The following KLHL24 variants were observed in gnomAD, a reference collection of about 807,000 sequenced individuals.
The protein encoded by KLHL24 is kelch-like protein 24.
A neutral mutation model predicts 53.4 loss-of-function variants in KLHL24; 29 were observed. That is an observed-to-expected ratio of 0.54 (90% confidence interval 0.40 to 0.74). The LOEUF is 0.74. Ranked by LOEUF, KLHL24 falls within the 30% of genes least tolerant of loss-of-function variation. KLHL24 has a pLI of 0.00. For missense variants in KLHL24, 504 were observed against 744.0 expected (o/e 0.68, Z 3.75); for synonymous variants, 222 against 253.7 (o/e 0.88, Z 1.19).
In KLHL24 at chr3:183,680,523, C is replaced by T. The variant is rs1712569633; in HGVS notation, c.*1237C>T. On this transcript the variant is annotated 3_prime_UTR_variant, in exon 8 of 8. Coordinates refer to ENST00000242810, the MANE Select transcript of KLHL24 (RefSeq NM_017644.3). ...TTTTAAAATTAGTTATCTGAAAAAA[C>T]TTAGCAGTAGTTCCCATCTTTAAGG... 6.6e-6 allele frequency: 1 copy of T among 152,152 alleles called. No individual in the cohort carries two copies. The allele number at this position is 152,152 out of a possible 1,614,324, so 9.4% of individuals were successfully genotyped here.
intron 5 of KLHL24, among the ~76,000 whole-genome samples, chr3:183,665,334 A>C (rs1264872359): frequency 6.6e-6 from 1 of 152,256 alleles, no homozygotes; most frequent in Admixed American, 6.5e-5. Context: ...CATCAAATAC[A>C]GACAGGCCAA....
intron 2 of KLHL24, among the ~76,000 whole-genome samples, chr3:183,649,111 A>G (rs565981066): frequency 3.9e-5 from 6 of 152,218 alleles, no homozygotes; most frequent in Non-Finnish European, 8.8e-5. Context: ...GATGTTTCTT[A>G]TTAGTGAAAG....
chr3:183,637,484 A>C (rs1185891333), intron 1 of KLHL24, among the ~76,000 whole-genome samples: 1 of 152,212 alleles, frequency 6.6e-6, no homozygotes, highest in East Asian at 1.9e-4. Context: ...TGTCGTTTTA[A>C]AATTGTACAT....
Position 183,681,214 on chromosome 3 carries a change from A to G in KLHL24, c.*1928A>G, listed in dbSNP as rs1174538118. The stretch of plus-strand genomic sequence containing the variant: ...TAATTTTAGAGTAAACATCTGCATT[A>G]TACTCTTATAGATAATAGAATTATT... On this transcript the variant is annotated 3_prime_UTR_variant, in exon 8 of 8. Transcript: ENST00000242810. 8.5e-5 allele frequency: 13 copies of G among 152,196 alleles called. No homozygotes were observed. The highest frequency in any genetic ancestry group is 1.9e-4 in the Non-Finnish European group (13 of 67,950). 9.4% of individuals were successfully genotyped at this position (152,196 alleles called of 1,614,324 possible).
At chr3:183,659,436 C>G (rs889689203) in intron 3 of KLHL24, among the ~76,000 whole-genome samples, 3 of 152,186 alleles carry the variant, frequency 2.0e-5, no homozygotes, top group African/African-American at 7.2e-5. Context: ...GCTGCAGAGA[C>G]TGAGGCAGGA....
chr3:183,656,920 A>AC (rs1718988876), intron 3 of KLHL24, among the ~76,000 whole-genome samples: 1 of 115,430 alleles, frequency 8.7e-6, no homozygotes, highest in African/African-American at 5.5e-5. Context: ...AAAAAAAAAG[A>AC]CAAAAAAAAA....
chr3:183,665,654 G>A (rs1187112848), intron 5 of KLHL24, among the ~76,000 whole-genome samples: 1 of 152,076 alleles, frequency 6.6e-6, no homozygotes, highest in African/African-American at 2.4e-5. Context: ...GGAGGGTGAG[G>A]CAGGAGAATC....
At chr3:183,678,732 C>G (rs1712336778) in intron 7 of KLHL24, among the ~76,000 whole-genome samples, 1 of 152,106 alleles carries the variant, frequency 6.6e-6, no homozygotes, top group Admixed American at 6.6e-5. Context: ...CCTGTGTTGT[C>G]ATCATTTGGC....
intron 3 of KLHL24, among the ~76,000 whole-genome samples, chr3:183,661,850 A>G (rs555241667): frequency 6.6e-6 from 1 of 152,316 alleles, no homozygotes; most frequent in East Asian, 1.9e-4. Flanking sequence ...AAGTGATTTA[A>G]CTTCAGTGAC....
chr3:183,662,073 T>C (rs2108838844), intron 3 of KLHL24, among the ~76,000 whole-genome samples: 1 of 152,284 alleles, frequency 6.6e-6, no homozygotes, highest in African/African-American at 2.4e-5. Context: ...TAGTAAATAT[T>C]ACTGATAATA....
In KLHL24 at chr3:183,671,102, A is replaced by T; in HGVS notation, c.1293A>T (p.Ser431=). Residue 431 remains serine (S), a synonymous_variant, in exon 6 of 8, where the codon TCA becomes TCT. Coordinates refer to ENST00000242810, the MANE Select transcript of KLHL24 (RefSeq NM_017644.3). ...GCGTAGAATGTTATGATTCCTTTTC[A>T]AATCGATGGACTGAAGTTGCTCCCC... The part of the protein sequence containing the change: ...LSSVECYDSF[S]NRWTEVAPLK... 1 of 1,614,126 alleles carries T rather than the reference A, an allele frequency of 6.2e-7. No homozygotes were observed. Among genetic ancestry groups the T allele is most frequent in the South Asian group, 1.1e-5 (1 of 91,076 alleles).
chr3:183,656,811 G>A (rs1018839270), intron 3 of KLHL24, among the ~76,000 whole-genome samples: 1 of 151,476 alleles, frequency 6.6e-6, no homozygotes, highest in Non-Finnish European at 1.5e-5. Context: ...TGTAATCCCA[G>A]CTCTCAGGGA....
intron 4 of KLHL24, among the ~76,000 whole-genome samples, chr3:183,664,571 C>T (rs1000605388): frequency 3.3e-5 from 5 of 151,212 alleles, no homozygotes; most frequent in Admixed American, 6.6e-5. Flanking sequence ...TTTGAAAAAT[C>T]GGTCAATTAA....
At position 183,672,367 on chromosome 3, in the gene KLHL24, A is replaced by G. The variant is rs1203479694; in HGVS notation, c.1485A>G (p.Ile495Met). 5 of 1,613,118 alleles carry G rather than the reference A, an allele frequency of 3.1e-6. No individual in the cohort carries two copies. Among genetic ancestry groups the G allele is most frequent in the Non-Finnish European group, 4.2e-6 (5 of 1,179,476 alleles). Residue 495 changes from isoleucine (I) to methionine (M), a missense_variant, in exon 7 of 8, where the codon ATA (isoleucine) becomes ATG (methionine). Ile to Met is a conservative substitution (Grantham distance 10). Transcript: ENST00000242810. ...CTATCCCAATTGCCAAAAGGTGTAT[A>G]ACAGCTGTATCCCTAAACAACCTGA... ...RAAIPIAKRC[I>M]TAVSLNNLIY... is the part of the protein sequence containing the mutation.
At chr3:183,645,487 C>A (rs1001773809) in intron 2 of KLHL24, among the ~76,000 whole-genome samples, 4 of 152,064 alleles carry the variant, frequency 2.6e-5, no homozygotes, top group African/African-American at 9.7e-5. Flanking sequence ...GACATCCACA[C>A]AAATATATGG....
At position 183,663,773 on chromosome 3, in the gene KLHL24, A is replaced by C; in HGVS notation, c.1105+131A>C. On this transcript the variant is annotated intron_variant, in intron 4 of 7. Coordinates refer to ENST00000242810, the MANE Select transcript of KLHL24 (RefSeq NM_017644.3). The surrounding 1 kb of genome is among the most constrained non-coding windows in gnomAD (Gnocchi z 4.9). ...AGGAAGATCAGTTTACAACAAATAA[A>C]ACCAAGAATGACTTTTTGCTCTTAA... 1.9e-6 allele frequency: 1 copy of C among 530,618 alleles called. No individual in the cohort carries two copies. The allele number at this position is 530,618 out of a possible 1,614,324, so 32.9% of individuals were successfully genotyped here.
intron 2 of KLHL24, among the ~76,000 whole-genome samples, chr3:183,648,998 G>A: frequency 7.9e-6 from 1 of 126,164 alleles, no homozygotes; most frequent in East Asian, 2.3e-4. Context: ...ATGAGACCTT[G>A]TTTCCAAAAA....
At chr3:183,670,967 C>A (rs892387483) in intron 5 of KLHL24, 67 bp from the exon 6 acceptor site, 1 of 1,100,322 alleles carries the variant, frequency 9.1e-7, no homozygotes, top group Non-Finnish European at 1.4e-6. Flanking sequence ...TCCCTTAATT[C>A]TTTAGCCAAC....
At chr3:183,653,216 A>C (rs985748537) in intron 3 of KLHL24, among the ~76,000 whole-genome samples, 1 of 152,258 alleles carries the variant, frequency 6.6e-6, no homozygotes, top group African/African-American at 2.4e-5. Context: ...AGACTCTTAA[A>C]AATACGATAG....
Sources: allele counts gnomAD v4.1 joint callset (sites outside exome capture counted in the v4.1 genomes callset), GRCh38; gene constraint gnomAD v4.1.1; non-coding constraint Gnocchi (gnomAD v3.1); transcripts MANE v1.5; gene names NCBI Gene and HGNC (gene_info 2026-07-23, HGNC 2026-07-21).